PLXNA4: variants seen among roughly 807,000 people sequenced by gnomAD.
PLXNA4 encodes plexin A4, also known as plexin-A4.
In PLXNA4, 44 loss-of-function variants were observed where a neutral mutation model predicts 191.8. That is an observed-to-expected ratio of 0.23 (90% CI 0.18 to 0.29). The LOEUF (loss-of-function observed/expected upper bound fraction) is 0.29. Among genes scored for constraint, PLXNA4 ranks in the 10% least tolerant of loss-of-function variants. The probability of loss-of-function intolerance (pLI) is 1.00; values close to 1 mark genes in which losing one functional copy is unlikely to be tolerated. For synonymous variants in PLXNA4, 1,082 were observed against 1,009.5 expected (o/e 1.07, Z -1.36); for missense variants, 1,800 against 2,488.8 (o/e 0.72, Z 5.89).
chr7:132,488,638 T>C (rs1359045582), intron 3 of PLXNA4, among the ~76,000 whole-genome samples: 1 of 152,162 alleles, frequency 6.6e-6, no homozygotes, highest in Non-Finnish European at 1.5e-5. Flanking sequence ...AAAACATCCC[T>C]GGGCGGATGA....
At chr7:132,399,864 C>T (rs1793915036) in intron 3 of PLXNA4, among the ~76,000 whole-genome samples, 1 of 152,050 alleles carries the variant, frequency 6.6e-6, no homozygotes, top group South Asian at 2.1e-4. Context: ...ATGTGCAGAT[C>T]TTCAGTGCAC....
chr7:132,206,888 ACAGGCTC>A (rs1247231051), intron 10 of PLXNA4, among the ~76,000 whole-genome samples: 1 of 152,156 alleles, frequency 6.6e-6, no homozygotes, highest in Non-Finnish European at 1.5e-5. Flanking sequence ...CCCAGGGAGG[ACAGGCTC>A]CAGGCTCCTG....
At chr7:132,584,122 G>C (rs183658904) in intron 2 of PLXNA4, among the ~76,000 whole-genome samples, 1 of 152,312 alleles carries the variant, frequency 6.6e-6, no homozygotes, top group African/African-American at 2.4e-5. Flanking sequence ...GGCCTGCCCA[G>C]TTCTCAAATG....
At chr7:132,257,675 C>T (rs1379959965) in intron 4 of PLXNA4, among the ~76,000 whole-genome samples, 8 of 152,214 alleles carry the variant, frequency 5.3e-5, no homozygotes, top group African/African-American at 1.7e-4. Flanking sequence ...TTCTTTAGGA[C>T]AACCTGACCT....
intron 3 of PLXNA4, among the ~76,000 whole-genome samples, chr7:132,379,730 C>A (rs186794840): frequency 6.6e-6 from 1 of 152,298 alleles, no homozygotes; most frequent in Admixed American, 6.5e-5. Context: ...GGTTGCAAAC[C>A]ACCAGGGAAG....
chr7:132,628,949 T>C (rs1803438434), intron 2 of PLXNA4, among the ~76,000 whole-genome samples: 2 of 152,250 alleles, frequency 1.3e-5, no homozygotes, highest in Admixed American at 1.3e-4. Context: ...AAATATTTCT[T>C]CAGATGTCTT....
Position 132,545,571 on chromosome 7 carries a change from T to G in PLXNA4, c.-87+30851A>C, listed in dbSNP as rs571799781. On this transcript the variant is annotated intron_variant, in intron 1 of 31. Coordinates refer to ENST00000321063, the MANE Select transcript of PLXNA4 (RefSeq NM_020911.2). ...GCAGGGCAATGGGTTGACCCAAGGT[T>G]TTTCTTTCATGAAACAGCCCCAAAG... Among the ~76,000 whole-genome samples, 14 of 152,302 alleles carry G rather than the reference T, an allele frequency of 9.2e-5. No homozygotes were observed. The East Asian group carries it at 2.7e-3, about 29-fold the overall frequency.
At chr7:132,507,441 C>T (rs1798511013) in intron 2 of PLXNA4, 65 bp downstream of exon 2, 3 of 1,508,376 alleles carry the variant, frequency 2.0e-6, no homozygotes, top group African/African-American at 1.4e-5. Context: ...CCCATGGGGG[C>T]TACAGGCTGG....
intron 4 of PLXNA4, among the ~76,000 whole-genome samples, chr7:132,280,424 C>G (rs1800435821): frequency 6.6e-6 from 1 of 152,188 alleles, no homozygotes; most frequent in Non-Finnish European, 1.5e-5. Flanking sequence ...CTGACAGATT[C>G]ATATCCGTGA....
At chr7:132,308,353 C>G (rs1375286160) in intron 3 of PLXNA4, among the ~76,000 whole-genome samples, 3 of 152,176 alleles carry the variant, frequency 2.0e-5, no homozygotes, top group Non-Finnish European at 2.9e-5. Context: ...ATCCTAAAAT[C>G]TTGGTTGGCC....
intron 3 of PLXNA4, among the ~76,000 whole-genome samples, chr7:132,397,094 G>A (rs1421586526): frequency 2.6e-5 from 4 of 152,212 alleles, no homozygotes; most frequent in African/African-American, 9.6e-5. Context: ...ATCCATTTTA[G>A]GCTAAAAGCC....
chr7:132,398,496 C>T lies in PLXNA4; in HGVS notation c.1371+90796G>A, dbSNP rs561334906. ...GCTCTGTGGAGATGCCGTCCATGCCCGGTCTGACGGGAACCCCAGCTCTGC... is the reference window on the plus strand; with the variant it reads ...GCTCTGTGGAGATGCCGTCCATGCCTGGTCTGACGGGAACCCCAGCTCTGC... On this transcript the variant is annotated intron_variant, in intron 3 of 31. Coordinates refer to ENST00000321063, the MANE Select transcript of PLXNA4 (RefSeq NM_020911.2). Among the ~76,000 whole-genome samples, 225 of 152,304 alleles carry T rather than the reference C, an allele frequency of 1.5e-3. 5 individuals carry two copies. In the South Asian group the frequency reaches 0.046, roughly 31 times the overall value.
intron 23 of PLXNA4, among the ~76,000 whole-genome samples, chr7:132,164,795 G>T (rs564609391): frequency 2.0e-5 from 3 of 152,270 alleles, no homozygotes; most frequent in African/African-American, 7.2e-5. Context: ...TAAGTCTGGG[G>T]CTGGGAGAGG....
At chr7:132,319,765 A>G (rs984133744) in intron 3 of PLXNA4, among the ~76,000 whole-genome samples, 4 of 152,190 alleles carry the variant, frequency 2.6e-5, no homozygotes, top group African/African-American at 9.7e-5. Context: ...ATTCCGTGTA[A>G]GTTCCTGAAA....
At position 132,202,767 on chromosome 7, in the gene PLXNA4, G is replaced by A; in HGVS notation, c.2465C>T (p.Ala822Val). Residue 822 changes from alanine to valine, a missense_variant, in exon 12 of 32, where the codon GCA becomes GTA. This residue lies in a region of PLXNA4 where 1,397 missense variants were observed against 1,880.4 expected (regional missense o/e 0.74). Transcript: ENST00000321063. Reference sequence around the variant, plus strand: ...GCCTGGGCCCTGGCACCAGCCACATGCGAAGTCTGGGTCAGCCTTGAGGCA... The same window carrying A: ...GCCTGGGCCCTGGCACCAGCCACATACGAAGTCTGGGTCAGCCTTGAGGCA... ...GLCLKADPDF[A>V]CGWCQGPGQC... The A allele has an allele frequency of 6.2e-7, 1 of 1,612,164 alleles. No individual in the cohort carries two copies. The highest frequency in any genetic ancestry group is 8.5e-7 in the Non-Finnish European group (1 of 1,179,106).
intron 2 of PLXNA4, among the ~76,000 whole-genome samples, chr7:132,638,106 G>A (rs1415505672): frequency 1.3e-5 from 2 of 152,148 alleles, no homozygotes; most frequent in Non-Finnish European, 2.9e-5. Context: ...CCTAGGGTCT[G>A]TGCTGCCACA....
At chr7:132,378,750 GA>G (rs1804765079) in intron 3 of PLXNA4, among the ~76,000 whole-genome samples, 1 of 151,564 alleles carries the variant, frequency 6.6e-6, no homozygotes, top group African/African-American at 2.4e-5. Context: ...GCTAAGATTT[GA>G]AATTTCACTC....
chr7:132,180,542 C>G, intron 19 of PLXNA4, 44 bp downstream of exon 19: 2 of 1,609,436 alleles, frequency 1.2e-6, no homozygotes, highest in Non-Finnish European at 1.7e-6. Flanking sequence ...ACATCTGCAT[C>G]CCTACTGCCC....
chr7:132,596,961 G>A (rs1802720709), intron 2 of PLXNA4, among the ~76,000 whole-genome samples: 1 of 151,774 alleles, frequency 6.6e-6, no homozygotes, highest in South Asian at 2.1e-4. Context: ...CTAATTGATT[G>A]GTTCTTAGGT....
Sources: allele counts gnomAD v4.1 joint callset (sites outside exome capture counted in the v4.1 genomes callset), GRCh38; gene constraint gnomAD v4.1.1; regional missense constraint gnomAD v4.1.1; transcripts MANE v1.5; gene names NCBI Gene and HGNC (gene_info 2026-07-23, HGNC 2026-07-21).